ANK3: variants seen among roughly 807,000 people sequenced by gnomAD.
ANK3 encodes ankyrin-3.
In ANK3, 57 loss-of-function variants were observed where a neutral mutation model predicts 370.9. That is an observed-to-expected ratio of 0.15 (90% CI 0.12 to 0.19). The LOEUF (loss-of-function observed/expected upper bound fraction) is 0.19, where lower values mean the gene tolerates loss of function less well. ANK3 is among the 10% of genes least tolerant of loss of function. The probability of loss-of-function intolerance (pLI) is 1.00; values close to 1 mark genes in which losing one functional copy is unlikely to be tolerated. For missense variants in ANK3, 4,439 were observed against 5,302.1 expected, an observed-to-expected ratio of 0.84 and a Z score of 5.06; for synonymous variants, 1,929 against 1,946.3, an observed-to-expected ratio of 0.99 and a Z score of 0.23.
At chr10:60,489,025 T>G (rs1261989920) in intron 2 of ANK3, among the ~76,000 whole-genome samples, 1 of 152,266 alleles carries the variant, frequency 6.6e-6, no homozygotes, top group Non-Finnish European at 1.5e-5. Context: ...ATTTAATTTT[T>G]TTTCTAGGCA....
intron 2 of ANK3, among the ~76,000 whole-genome samples, chr10:60,395,618 TTCTCTC>T (rs71015791): frequency 0.067 from 8,377 of 125,768 alleles, 648 homozygotes; most frequent in East Asian, 0.18. Context: ...CTCTCTTTCG[TTCTCTC>T]TCTCTCTCTC....
chr10:60,533,516 C>T (rs1315834091), intron 2 of ANK3, among the ~76,000 whole-genome samples: 2 of 152,078 alleles, frequency 1.3e-5, no homozygotes, highest in Admixed American at 1.3e-4. Context: ...AGCTAGTGGA[C>T]ATTACAGCCT....
Position 60,134,414 on chromosome 10 carries a change from T to C in ANK3, c.2739-41A>G, listed in dbSNP as rs574767065. On this transcript the variant is annotated intron_variant, in intron 24 of 43. Transcript: ENST00000280772. Reference sequence around the variant, plus strand: ...TTAACCATTCAACAGTGGTAGATGATGATGAGATGAATAAAAAAAAATTAA... The same window carrying C: ...TTAACCATTCAACAGTGGTAGATGACGATGAGATGAATAAAAAAAAATTAA... The C allele has an allele frequency of 5.4e-6, 8 of 1,490,872 alleles. No individual in the cohort carries two copies. In the East Asian group the frequency reaches 6.9e-5, roughly 13 times the overall value. The allele number at this position is 1,490,872 out of a possible 1,614,324, so 92.4% of individuals were successfully genotyped here.
At chr10:60,659,026 T>C (rs1396199944) in intron 1 of ANK3, among the ~76,000 whole-genome samples, 1 of 151,832 alleles carries the variant, frequency 6.6e-6, no homozygotes, top group East Asian at 1.9e-4. Context: ...TAGTTCGAAA[T>C]CTGTATGGGA....
At chr10:60,315,789 C>G (rs10821718) in intron 1 of ANK3, among the ~76,000 whole-genome samples, 89,503 of 151,832 alleles carry the variant, frequency 0.59, 26,915 homozygotes, top group South Asian at 0.79. Context: ...TACTGTGCCA[C>G]GAGTGAGCTG....
intron 2 of ANK3, chr10:60,572,689 G>C: frequency 7.0e-7 from 1 of 1,427,352 alleles, no homozygotes. Flanking sequence ...TGCTGTCAGA[G>C]AGACGCGGGC....
intron 43 of ANK3, among the ~76,000 whole-genome samples, chr10:60,042,036 G>C (rs990459439): frequency 6.6e-6 from 1 of 152,158 alleles, no homozygotes; most frequent in Non-Finnish European, 1.5e-5. Flanking sequence ...TTGTAGCTAA[G>C]TAGAAATAAA....
intron 1 of ANK3, among the ~76,000 whole-genome samples, chr10:60,349,441 T>C (rs77914050): frequency 0.18 from 27,873 of 152,158 alleles, 3,090 homozygotes; most frequent in South Asian, 0.3. Context: ...GGATAATCGG[T>C]TGATGCTAAG....
At chr10:60,099,109 T>C (rs548041064) in intron 28 of ANK3, among the ~76,000 whole-genome samples, 83 of 152,288 alleles carry the variant, frequency 5.5e-4, no homozygotes, top group African/African-American at 1.8e-3. Context: ...TTGTACTCTG[T>C]GTGTAGAATG....
chr10:60,301,391 T>TAC (rs1224662040), intron 1 of ANK3, among the ~76,000 whole-genome samples: 126 of 143,338 alleles, frequency 8.8e-4, no homozygotes, highest in African/African-American at 2.9e-3. Context: ...CATACATACA[T>TAC]ACACACACAC....
intron 1 of ANK3, among the ~76,000 whole-genome samples, chr10:60,675,914 T>C (rs1371741729): frequency 6.6e-6 from 1 of 152,056 alleles, no homozygotes; most frequent in Non-Finnish European, 1.5e-5. Flanking sequence ...AACAAAGAAG[T>C]TGAAATATTG....
chr10:60,209,183 A>AATTCAATTAT (rs2096811151), intron 9 of ANK3, among the ~76,000 whole-genome samples: 1 of 152,192 alleles, frequency 6.6e-6, no homozygotes, highest in African/African-American at 2.4e-5. Context: ...TTATCAAGAG[A>AATTCAATTAT]GGCTCTATCA....
chr10:60,604,485 A>T (rs1425183729), intron 2 of ANK3, among the ~76,000 whole-genome samples: 2 of 152,188 alleles, frequency 1.3e-5, no homozygotes, highest in South Asian at 4.1e-4. Context: ...GAAAACACAC[A>T]TAAAAGAAAA....
At chr10:60,092,392 T>C (rs577128560) in intron 28 of ANK3, among the ~76,000 whole-genome samples, 1 of 152,140 alleles carries the variant, frequency 6.6e-6, no homozygotes, top group Admixed American at 6.5e-5. Context: ...ACTTGTAGAA[T>C]GACAAAATGA....
chr10:60,646,975 T>C (rs913956129), intron 1 of ANK3, among the ~76,000 whole-genome samples: 29 of 152,216 alleles, frequency 1.9e-4, no homozygotes, highest in African/African-American at 6.8e-4. Flanking sequence ...ATATGTTGCA[T>C]GTGTTTGTGT....
intron 5 of ANK3, among the ~76,000 whole-genome samples, chr10:60,269,250 G>A (rs16914693): frequency 0.27 from 40,618 of 152,078 alleles, 5,656 homozygotes; most frequent in South Asian, 0.34. Context: ...CTAAGACAGT[G>A]CCAATGGCCT....
At chr10:60,537,250 GTTC>G (rs1326306825) in intron 2 of ANK3, among the ~76,000 whole-genome samples, 1 of 151,930 alleles carries the variant, frequency 6.6e-6, no homozygotes, top group Non-Finnish European at 1.5e-5. Flanking sequence ...TAGCTACTCA[GTTC>G]TTCTAACAGT....
intron 2 of ANK3, among the ~76,000 whole-genome samples, chr10:60,603,283 A>G (rs976909146): frequency 2.0e-5 from 3 of 152,086 alleles, no homozygotes; most frequent in Admixed American, 2.0e-4. Flanking sequence ...CCCTAACTAG[A>G]ACCTCACTTG....
At chr10:60,045,408 C>G (rs1209134989) in intron 42 of ANK3, among the ~76,000 whole-genome samples, 2 of 152,126 alleles carry the variant, frequency 1.3e-5, no homozygotes, top group African/African-American at 4.8e-5. Context: ...TTAGATGGCT[C>G]CATAGTATCT....
Sources: allele counts gnomAD v4.1 joint callset (sites outside exome capture counted in the v4.1 genomes callset), GRCh38; gene constraint gnomAD v4.1.1; transcripts MANE v1.5; gene names NCBI Gene and HGNC (gene_info 2026-07-23, HGNC 2026-07-21).